The following ZCCHC4 variants were observed in gnomAD, a reference collection of about 807,000 sequenced individuals.
ZCCHC4 encodes zinc finger CCHC-type containing 4.
Under a neutral mutation model 67.7 loss-of-function variants are expected in ZCCHC4, and 54 were observed. The observed-to-expected ratio is 0.80, with a 90% CI of 0.64 to 1.00. The LOEUF is 1.00. Among genes scored for constraint, ZCCHC4 ranks in the 50% least tolerant of loss-of-function variants. The probability of loss-of-function intolerance (pLI) is 0.00; values close to 1 mark genes in which losing one functional copy is unlikely to be tolerated. For missense variants in ZCCHC4, 609 were observed against 617.0 expected, an observed-to-expected ratio of 0.99 and a Z score of 0.14; for synonymous variants, 198 against 213.5, an observed-to-expected ratio of 0.93 and a Z score of 0.63.
At chr4:25,363,451 T>C (rs536712816) in intron 10 of ZCCHC4, among the ~76,000 whole-genome samples, 1 of 152,350 alleles carries the variant, frequency 6.6e-6, no homozygotes, top group South Asian at 2.1e-4. Context: ...GTTTTGGCAA[T>C]TATAAATCAC....
intron 5 of ZCCHC4, among the ~76,000 whole-genome samples, chr4:25,335,030 T>G (rs969893839): frequency 1.2e-4 from 18 of 152,214 alleles, no homozygotes; most frequent in African/African-American, 4.1e-4. Flanking sequence ...GTTTTGTAGA[T>G]TTGGGGTCTG....
At chr4:25,365,442 T>A (rs1164863396) in intron 12 of ZCCHC4, 41 of 1,174,004 alleles carry the variant, frequency 3.5e-5, no homozygotes, top group Non-Finnish European at 4.3e-5. Context: ...TTACGTCTCA[T>A]GTGTAAAGTT....
intron 3 of ZCCHC4, among the ~76,000 whole-genome samples, chr4:25,316,218 G>T (rs1445806049): frequency 6.6e-6 from 1 of 152,184 alleles, no homozygotes; most frequent in Non-Finnish European, 1.5e-5. Flanking sequence ...TTAAAAATCT[G>T]TTCATCTGTT....
At chr4:25,357,868 C>T (rs922094529) in intron 8 of ZCCHC4, among the ~76,000 whole-genome samples, 9 of 152,172 alleles carry the variant, frequency 5.9e-5, no homozygotes, top group Admixed American at 2.0e-4. Context: ...TTGCTGGGCC[C>T]TACTCCCAGA....
At chr4:25,317,193 A>G (rs1293652744) in intron 3 of ZCCHC4, among the ~76,000 whole-genome samples, 2 of 152,166 alleles carry the variant, frequency 1.3e-5, no homozygotes, top group Admixed American at 6.5e-5. Flanking sequence ...TGCTGTGTTC[A>G]GAAAGATTGT....
At chr4:25,317,358 G>A (rs1394291815) in intron 3 of ZCCHC4, among the ~76,000 whole-genome samples, 3 of 152,132 alleles carry the variant, frequency 2.0e-5, no homozygotes, top group Non-Finnish European at 4.4e-5. Context: ...AGTCAGAGAT[G>A]TCTATGTATT....
intron 12 of ZCCHC4, among the ~76,000 whole-genome samples, chr4:25,367,600 G>T (rs369621816): frequency 7.9e-5 from 12 of 152,076 alleles, no homozygotes; most frequent in Non-Finnish European, 1.6e-4. Flanking sequence ...AAAAAGTGGG[G>T]AAATAGATTT....
At chr4:25,316,441 T>TATA (rs1297055511) in intron 3 of ZCCHC4, among the ~76,000 whole-genome samples, 1 of 152,258 alleles carries the variant, frequency 6.6e-6, no homozygotes, top group African/African-American at 2.4e-5. Context: ...ACTAGGAGTG[T>TATA]ATATGCATTC....
chr4:25,336,878 C>T (rs1719486567), intron 5 of ZCCHC4, among the ~76,000 whole-genome samples: 16 of 152,146 alleles, frequency 1.1e-4, no homozygotes, highest in Admixed American at 1.0e-3. Context: ...TATCATCATC[C>T]TCATTTTTCC....
chr4:25,347,510 C>A (rs1205545024), intron 6 of ZCCHC4, among the ~76,000 whole-genome samples: 1 of 152,194 alleles, frequency 6.6e-6, no homozygotes, highest in Non-Finnish European at 1.5e-5. Flanking sequence ...AATAGCACTG[C>A]AGCTGTAGAG....
chr4:25,317,723 A>AAG lies in ZCCHC4; in HGVS notation c.329+2324_329+2325insGA, dbSNP rs1376315662. 2.3e-4 allele frequency among the ~76,000 whole-genome samples: 31 copies of AAG among 136,898 alleles called. 1 individual carries two copies. The highest frequency in any genetic ancestry group is 7.7e-4 in the African/African-American group (30 of 39,128). 89.8% of individuals were successfully genotyped at this position (136,898 alleles called of 152,430 possible). ...CTGTCACAAAAAAAAAAAAAAAAAA[A>AAG]AAAGAAAGAAAAGAAAATGGAGCAC... On this transcript the variant is annotated intron_variant, in intron 3 of 12. Transcript: ENST00000302874.
intron 10 of ZCCHC4, among the ~76,000 whole-genome samples, chr4:25,363,880 G>A (rs1320737521): frequency 6.6e-6 from 1 of 152,180 alleles, no homozygotes; most frequent in East Asian, 1.9e-4. Context: ...GGGATGCTGT[G>A]ACTTAGTAGG....
intron 5 of ZCCHC4, among the ~76,000 whole-genome samples, chr4:25,334,971 AG>A (rs1719378220): frequency 6.6e-6 from 1 of 151,992 alleles, no homozygotes; most frequent in Non-Finnish European, 1.5e-5. Flanking sequence ...CCTAGTAGCT[AG>A]GACTACAGGT....
At chr4:25,315,218 G>T in intron 2 of ZCCHC4, 100 bp from the exon 3 acceptor site, 1 of 1,024,592 alleles carries the variant, frequency 9.8e-7, no homozygotes, top group Non-Finnish European at 1.4e-6. Context: ...CTGTTGAGTT[G>T]GTTGAATTTC....
Position 25,314,173 on chromosome 4 carries a change from A to G in ZCCHC4, c.246+9A>G. ...AGTGGGAAGATGAAAAGGTATATCAACTTTTTGGATATTTATTTTTTATTT... is the reference window on the plus strand; with the variant it reads ...AGTGGGAAGATGAAAAGGTATATCAGCTTTTTGGATATTTATTTTTTATTT... On this transcript the variant is annotated intron_variant, in intron 2 of 12. Coordinates refer to ENST00000302874, the MANE Select transcript of ZCCHC4 (RefSeq NM_024936.3). 6.5e-7 allele frequency: 1 copy of G among 1,537,480 alleles called. No homozygotes were observed. The highest frequency in any genetic ancestry group is 8.9e-7 in the Non-Finnish European group (1 of 1,128,362).
intron 3 of ZCCHC4, among the ~76,000 whole-genome samples, chr4:25,328,716 C>T (rs1719021556): frequency 6.6e-6 from 1 of 151,900 alleles, no homozygotes; most frequent in South Asian, 2.1e-4. Flanking sequence ...TGAGCAGCTG[C>T]AACTACAGGC....
At chr4:25,349,088 A>G (rs571117180) in intron 6 of ZCCHC4, among the ~76,000 whole-genome samples, 17 of 152,330 alleles carry the variant, frequency 1.1e-4, no homozygotes, top group African/African-American at 4.1e-4. Context: ...ACCAGATAGG[A>G]AAACAATGTT....
At chr4:25,356,004 T>G (rs1418703477) in intron 8 of ZCCHC4, among the ~76,000 whole-genome samples, 4 of 152,220 alleles carry the variant, frequency 2.6e-5, no homozygotes, top group Non-Finnish European at 5.9e-5. Context: ...GCCTGATACC[T>G]GGAACATAGT....
intron 8 of ZCCHC4, among the ~76,000 whole-genome samples, chr4:25,355,847 A>G (rs1295898339): frequency 6.6e-6 from 1 of 152,346 alleles, no homozygotes; most frequent in African/African-American, 2.4e-5. Flanking sequence ...GGGTATTATG[A>G]TAGACTTTGC....
Sources: allele counts gnomAD v4.1 joint callset (sites outside exome capture counted in the v4.1 genomes callset), GRCh38; gene constraint gnomAD v4.1.1; transcripts MANE v1.5; gene names NCBI Gene and HGNC (gene_info 2026-07-23, HGNC 2026-07-21).